Variants in NEDD4L observed in about 807,000 individuals in gnomAD.
The protein encoded by NEDD4L is NEDD4 like E3 ubiquitin protein ligase.
In NEDD4L, 54 loss-of-function variants were observed where a neutral mutation model predicts 148.9. The observed-to-expected ratio is 0.36, with a 90% confidence interval of 0.29 to 0.45. NEDD4L has a LOEUF of 0.45. Among genes scored for constraint, NEDD4L ranks in the 20% least tolerant of loss-of-function variants. The pLI, the probability that NEDD4L is intolerant of heterozygous loss-of-function variation, is 1.00. For missense variants in NEDD4L, 856 were observed against 1,233.8 expected, an observed-to-expected ratio of 0.69 and a Z score of 4.59; for synonymous variants, 433 against 440.7, an observed-to-expected ratio of 0.98 and a Z score of 0.22.
rs1010561797 is a variant in NEDD4L, at chr18:58,366,507, G to A, written c.2063+279G>A. On this transcript the variant is annotated intron_variant, in intron 21 of 30. Coordinates refer to ENST00000400345, the MANE Select transcript of NEDD4L (RefSeq NM_001144967.3). The surrounding 1 kb of genome is among the most constrained non-coding windows in gnomAD (Gnocchi z 4.2). Reference sequence around the variant, plus strand: ...GGATAATTATGATAAGGAACAGGAGGCGATTTTCATTTGCAGTGTTCAAGA... The same window carrying A: ...GGATAATTATGATAAGGAACAGGAGACGATTTTCATTTGCAGTGTTCAAGA... The A allele has an allele frequency of 3.3e-6, 1 of 304,828 alleles. No homozygotes were observed. Among genetic ancestry groups the A allele is most frequent in the African/African-American group, 2.1e-5 (1 of 46,802 alleles). 18.9% of individuals were successfully genotyped at this position (304,828 alleles called of 1,614,324 possible). A position where few individuals can be genotyped will look rare whatever the true frequency, so the allele number is the denominator to read the frequency against.
At chr18:58,190,460 A>T (rs1001244082) in intron 2 of NEDD4L, among the ~76,000 whole-genome samples, 4 of 152,224 alleles carry the variant, frequency 2.6e-5, no homozygotes, top group African/African-American at 9.6e-5. Flanking sequence ...AATGAAAAGT[A>T]AATTGTAGAT....
At chr18:58,230,703 C>G (rs1250654922) in intron 2 of NEDD4L, among the ~76,000 whole-genome samples, 1 of 152,102 alleles carries the variant, frequency 6.6e-6, no homozygotes, top group African/African-American at 2.4e-5. Context: ...GTGCCATTGT[C>G]AGGTATGAGG....
At chr18:58,384,915 G>T (rs541475175) in intron 25 of NEDD4L, among the ~76,000 whole-genome samples, 1 of 152,190 alleles carries the variant, frequency 6.6e-6, no homozygotes, top group African/African-American at 2.4e-5. Context: ...AAACACTGTC[G>T]CAGGGAACTT....
intron 2 of NEDD4L, among the ~76,000 whole-genome samples, chr18:58,237,826 T>A (rs530194601): frequency 6.6e-6 from 1 of 152,120 alleles, no homozygotes; most frequent in African/African-American, 2.4e-5. Flanking sequence ...CTCCCAGGGG[T>A]CTCTGTGACC....
intron 1 of NEDD4L, among the ~76,000 whole-genome samples, chr18:58,055,097 A>G (rs2082035821): frequency 6.6e-6 from 1 of 152,200 alleles, no homozygotes; most frequent in African/African-American, 2.4e-5. Flanking sequence ...ATTAAATAGA[A>G]AAAGTAGGTT....
intron 1 of NEDD4L, among the ~76,000 whole-genome samples, chr18:58,060,296 C>T (rs1239807252): frequency 2.0e-5 from 3 of 152,232 alleles, no homozygotes; most frequent in African/African-American, 7.2e-5. Flanking sequence ...GAGATCTGGG[C>T]TTTTCTTATT....
chr18:58,195,480 G>C, intron 2 of NEDD4L: 1 of 1,343,110 alleles, frequency 7.4e-7, no homozygotes, highest in Non-Finnish European at 9.8e-7. Flanking sequence ...GGCTTAAGCC[G>C]CGCGAGGGTG....
intron 1 of NEDD4L, among the ~76,000 whole-genome samples, chr18:58,052,635 A>G (rs546262521): frequency 2.7e-5 from 3 of 111,550 alleles, no homozygotes; most frequent in Non-Finnish European, 3.6e-5. Context: ...GGCCATTCAA[A>G]AGTGAGTTTT....
Position 58,221,418 on chromosome 18 carries a change from T to C in NEDD4L, c.123-24009T>C, listed in dbSNP as rs926882112. On this transcript the variant is annotated intron_variant, in intron 2 of 30. Coordinates refer to ENST00000400345, the MANE Select transcript of NEDD4L (RefSeq NM_001144967.3). ...CTGGAGATAAGGCCCCGGGTGATGATGTAAGCTAATTGCTGAGCTGGGTGG... is the reference window on the plus strand; with the variant it reads ...CTGGAGATAAGGCCCCGGGTGATGACGTAAGCTAATTGCTGAGCTGGGTGG... 3.2e-5 allele frequency: 9 copies of C among 283,204 alleles called. No individual in the cohort carries two copies. In the East Asian group the frequency reaches 1.6e-3, roughly 50 times the overall value. 17.5% of individuals were successfully genotyped at this position (283,204 alleles called of 1,614,324 possible).
chr18:58,193,914 A>G (rs539390608), intron 2 of NEDD4L: 1 of 152,068 alleles, frequency 6.6e-6, no homozygotes, highest in Non-Finnish European at 1.5e-5. Flanking sequence ...TGCCTGCCCC[A>G]TGGTTTTCAG....
Position 58,082,102 on chromosome 18 carries a change from A to ATATATATATTTTTTTTT in NEDD4L, c.48+37395_48+37396insATATATATTTTTTTTTT. Among the ~76,000 whole-genome samples the ATATATATATTTTTTTTT allele has an allele frequency of 4.1e-3, 198 of 48,768 alleles. 1 individual carries two copies. Among genetic ancestry groups the ATATATATATTTTTTTTT allele is most frequent in the Non-Finnish European group, 4.9e-3 (157 of 31,810 alleles). The allele number at this position is 48,768 out of a possible 152,430, so 32.0% of individuals were successfully genotyped here. A position where few individuals can be genotyped will look rare whatever the true frequency, so the allele number is the denominator to read the frequency against. ...TGAATATATATATATATATATATAT[A>ATATATATATTTTTTTTT]TTTTTTTTTTTTTTTTTTTCTTGAG... is the stretch of plus-strand genomic sequence containing the variant. On this transcript the variant is annotated intron_variant, in intron 1 of 30. Coordinates refer to ENST00000400345, the MANE Select transcript of NEDD4L (RefSeq NM_001144967.3).
intron 1 of NEDD4L, among the ~76,000 whole-genome samples, chr18:58,109,509 A>G (rs1439356018): frequency 6.6e-6 from 1 of 151,388 alleles, no homozygotes; most frequent in African/African-American, 2.4e-5. Context: ...TAAGTGGAGG[A>G]CTAGATTTGT....
intron 2 of NEDD4L, among the ~76,000 whole-genome samples, chr18:58,168,597 G>T (rs1406583516): frequency 4.6e-5 from 7 of 152,190 alleles, no homozygotes. Context: ...GTCTCCTTCA[G>T]AGCCCTGGGC....
intron 2 of NEDD4L, among the ~76,000 whole-genome samples, chr18:58,234,019 T>A (rs2045581020): frequency 2.0e-5 from 3 of 151,920 alleles, no homozygotes; most frequent in Admixed American, 1.3e-4. Flanking sequence ...GGATCAGGGC[T>A]CAACCTAATG....
intron 21 of NEDD4L, chr18:58,367,335 T>TCGGTGGTCGCTG: frequency 5.9e-6 from 1 of 168,524 alleles, no homozygotes; most frequent in Non-Finnish European, 1.3e-5. Context: ...AGCAAACATC[T>TCGGTGGTCGCTG]TATGGCCAAG....
intron 1 of NEDD4L, among the ~76,000 whole-genome samples, chr18:58,073,190 G>A (rs1202447287): frequency 1.3e-5 from 2 of 151,396 alleles, no homozygotes; most frequent in African/African-American, 2.4e-5. Flanking sequence ...TGCAGATGGA[G>A]TGCAATACCT....
chr18:58,172,084 G>A (rs2037575304), intron 2 of NEDD4L, among the ~76,000 whole-genome samples: 1 of 152,098 alleles, frequency 6.6e-6, no homozygotes, highest in Admixed American at 6.5e-5. Flanking sequence ...CTCTGCACCT[G>A]ACCCTCACCT....
chr18:58,205,131 C>T lies in NEDD4L; in HGVS notation c.122+39270C>T, dbSNP rs539215800. ...GTAAGCAATGTAGAATCAAAGGTAT[C>T]ATCTTTATTATGTCCTATTTGTGTT... On this transcript the variant is annotated intron_variant, in intron 2 of 30. Coordinates refer to ENST00000400345, the MANE Select transcript of NEDD4L (RefSeq NM_001144967.3). Among the ~76,000 whole-genome samples, 8 of 152,330 alleles carry T rather than the reference C, an allele frequency of 5.3e-5. 1 individual carries two copies. In the South Asian group the frequency reaches 1.7e-3, roughly 32 times the overall value.
intron 2 of NEDD4L, chr18:58,195,850 G>T: frequency 1.9e-6 from 1 of 540,064 alleles, no homozygotes; most frequent in South Asian, 1.8e-5. Flanking sequence ...GGATTAGGGG[G>T]ATTATTTGAA....
Sources: gnomAD v4.1 joint callset for allele counts (sites outside exome capture counted in the v4.1 genomes callset) on GRCh38, gnomAD v4.1.1 for gene constraint, Gnocchi (gnomAD v3.1) non-coding constraint, MANE v1.5 for transcripts, NCBI Gene and HGNC (gene_info 2026-07-23, HGNC 2026-07-21) for gene names.